Variants in DNAH17 observed in about 807,000 individuals in gnomAD.
DNAH17 encodes axonemal beta dynein heavy chain 17.
In DNAH17, 376 loss-of-function variants were observed where a neutral mutation model predicts 485.6. The ratio of observed to expected loss-of-function variants is 0.77; its 90% confidence interval spans 0.71 to 0.84. The LOEUF (loss-of-function observed/expected upper bound fraction) is 0.84, where lower values mean the gene tolerates loss of function less well. Among genes scored for constraint, DNAH17 ranks in the 40% least tolerant of loss-of-function variants. The pLI, the probability that DNAH17 is intolerant of heterozygous loss-of-function variation, is 0.00. For missense variants in DNAH17, 6,370 were observed against 5,839.3 expected, an observed-to-expected ratio of 1.09 and a Z score of -2.96; for synonymous variants, 3,031 against 2,405.9, an observed-to-expected ratio of 1.26 and a Z score of -7.60.
chr17:78,523,440 C>T (rs2143217931), intron 25 of DNAH17, among the ~76,000 whole-genome samples: 1 of 152,212 alleles, frequency 6.6e-6, no homozygotes, highest in East Asian at 1.9e-4. Context: ...TTCAATTTTA[C>T]CCTGCCTCTC....
At position 78,486,230 on chromosome 17, in the gene DNAH17, CT is replaced by C. The variant is rs2089602845; in HGVS notation, c.7094del (p.Gln2365ArgfsTer87). 6.3e-7 allele frequency: 1 copy of C among 1,588,504 alleles called. No individual in the cohort carries two copies. Among genetic ancestry groups the C allele is most frequent in the African/African-American group, 1.3e-5 (1 of 74,478 alleles). On this transcript the variant is annotated frameshift_variant, in exon 45 of 81. Transcript: ENST00000389840. LOFTEE classifies it high-confidence loss of function. Reference protein sequence around the residue: ...CFWAFGGAMFQDQLVDYRVEF... With the variant: ...CFWAFGGAMFXDQLVDYRVEF... The stretch of plus-strand genomic sequence containing the variant: ...GGCCCCCCAGGTGCATCACCTGGTC[CT>C]GGAACATGGCGCCACCGAAGGCCCA...
rs575764938 is a variant in DNAH17, at chr17:78,502,576, A to G, written c.5190+15T>C. The G allele has an allele frequency of 2.2e-5, 36 of 1,607,098 alleles. No homozygotes were observed. In the Admixed American group the frequency reaches 5.6e-4, roughly 25 times the overall value. ...AAGTTTTAAAAACGTAACTAACTAC[A>G]CACTAGTAACACACCTGCTTTTTGT... On this transcript the variant is annotated intron_variant, in intron 33 of 80. Coordinates refer to ENST00000389840, the MANE Select transcript of DNAH17 (RefSeq NM_173628.4).
chr17:78,508,089 AG>A (rs2090537605), intron 27 of DNAH17, among the ~76,000 whole-genome samples: 1 of 152,224 alleles, frequency 6.6e-6, no homozygotes, highest in African/African-American at 2.4e-5. Context: ...GCTGAGTGAA[AG>A]AAGCCACACG....
chr17:78,514,649 C>T, intron 26 of DNAH17, 125 bp downstream of exon 26: 1 of 1,329,610 alleles, frequency 7.5e-7, no homozygotes, highest in Non-Finnish European at 1.0e-6. Context: ...GAAGCCAGCC[C>T]TGCCCACATT....
intron 54 of DNAH17, among the ~76,000 whole-genome samples, chr17:78,473,419 G>C (rs536000977): frequency 6.6e-6 from 1 of 151,844 alleles, no homozygotes; most frequent in African/African-American, 2.4e-5. Flanking sequence ...TGGCGGGCGC[G>C]TGTAGTCCCA....
At chr17:78,480,813 T>G in intron 48 of DNAH17, 27 bp from the exon 49 acceptor site, 1 of 1,564,910 alleles carries the variant, frequency 6.4e-7, no homozygotes, top group Non-Finnish European at 8.8e-7. Flanking sequence ...GCATTCATGT[T>G]GTGCCCCTGG....
intron 55 of DNAH17, among the ~76,000 whole-genome samples, chr17:78,468,018 A>G (rs2088560430): frequency 9.8e-6 from 1 of 102,002 alleles, no homozygotes; most frequent in African/African-American, 3.1e-5. Flanking sequence ...CTCCATCTCA[A>G]AAAAAAAAAA....
chr17:78,557,714 C>T (rs951972566), intron 14 of DNAH17, among the ~76,000 whole-genome samples: 4 of 71,956 alleles, frequency 5.6e-5, no homozygotes, highest in Non-Finnish European at 8.7e-5. Context: ...ACCAGCTGTT[C>T]TGAGTCATCA....
chr17:78,545,829 T>C (rs2091745982), intron 16 of DNAH17, among the ~76,000 whole-genome samples: 1 of 152,210 alleles, frequency 6.6e-6, no homozygotes, highest in Non-Finnish European at 1.5e-5. Flanking sequence ...AGGACAACTA[T>C]AATTTTTATA....
chr17:78,539,144 T>G (rs2091455970), intron 18 of DNAH17, among the ~76,000 whole-genome samples: 1 of 152,210 alleles, frequency 6.6e-6, no homozygotes, highest in Non-Finnish European at 1.5e-5. Flanking sequence ...GGTAGAGAAC[T>G]GCTTGAACCC....
intron 16 of DNAH17, among the ~76,000 whole-genome samples, chr17:78,550,731 C>A (rs991154727): frequency 6.6e-6 from 1 of 152,040 alleles, no homozygotes; most frequent in African/African-American, 2.4e-5. Context: ...TTGTGATGGC[C>A]GCCCTAGCAA....
chr17:78,529,083 ACACTAGCCAGCCACAGCTGG>A (rs1432620404), intron 22 of DNAH17, among the ~76,000 whole-genome samples: 2 of 151,922 alleles, frequency 1.3e-5, no homozygotes, highest in African/African-American at 2.4e-5. Flanking sequence ...AGCTGAGACT[ACACTAGCCAGCCACAGCTGG>A]CTAATTTTCT....
intron 1 of DNAH17, among the ~76,000 whole-genome samples, 172 bp downstream of exon 1, chr17:78,577,123 C>A (rs1303294470): frequency 1.3e-5 from 2 of 152,068 alleles, no homozygotes; most frequent in South Asian, 4.2e-4. Context: ...TGGCAGCCAG[C>A]CTCGGGGTCC....
At chr17:78,545,477 G>A (rs1193987161) in intron 16 of DNAH17, among the ~76,000 whole-genome samples, 1 of 152,150 alleles carries the variant, frequency 6.6e-6, no homozygotes, top group Non-Finnish European at 1.5e-5. Flanking sequence ...GTGGGCAGAT[G>A]ATGATGGCCG....
rs375001877 is a variant in DNAH17, at chr17:78,488,442, C to G, written c.6819-1936G>C. Among the ~76,000 whole-genome samples the G allele has an allele frequency of 6.2e-4, 94 of 152,318 alleles. 1 individual carries two copies. Among genetic ancestry groups the G allele is most frequent in the African/African-American group, 2.2e-3 (90 of 41,580 alleles). The stretch of plus-strand genomic sequence containing the variant: ...GGTCACTCCTTGGAGGTGTCCAGTT[C>G]CTGCCTTGGCCCACGCTGCCTTCGT... On this transcript the variant is annotated intron_variant, in intron 44 of 80. Coordinates refer to ENST00000389840, the MANE Select transcript of DNAH17 (RefSeq NM_173628.4).
intron 51 of DNAH17, among the ~76,000 whole-genome samples, chr17:78,477,136 G>C (rs1054880477): frequency 6.6e-6 from 1 of 152,196 alleles, no homozygotes; most frequent in African/African-American, 2.4e-5. Flanking sequence ...AGTGACTCTA[G>C]GCAAGCTCGA....
chr17:78,438,429 A>AGGAGGAGGAGGGAGGAGGAGGAG (rs2086928533), intron 73 of DNAH17, among the ~76,000 whole-genome samples: 4 of 4,974 alleles, frequency 8.0e-4, no homozygotes, highest in East Asian at 0.012. Flanking sequence ...GAGGAGAAGG[A>AGGAGGAGGAGGGAGGAGGAGGAG]GGAGGAGGAG....
intron 73 of DNAH17, among the ~76,000 whole-genome samples, chr17:78,438,234 G>T (rs1432348053): frequency 2.6e-5 from 4 of 151,290 alleles, no homozygotes; most frequent in Non-Finnish European, 5.9e-5. Context: ...CCTGTGGATT[G>T]AGGTCGACAC....
chr17:78,435,879 A>G (rs540931977), intron 74 of DNAH17, among the ~76,000 whole-genome samples: 70 of 152,320 alleles, frequency 4.6e-4, no homozygotes, highest in African/African-American at 1.5e-3. Context: ...GGTGCAGGCC[A>G]AGGCAGGAGG....
Sources: allele counts gnomAD v4.1 joint callset (sites outside exome capture counted in the v4.1 genomes callset), GRCh38; gene constraint gnomAD v4.1.1; transcripts MANE v1.5; gene names NCBI Gene and HGNC (gene_info 2026-07-23, HGNC 2026-07-21).